Variants in SRPK2 observed in about 807,000 individuals in gnomAD.
The protein encoded by SRPK2 is SFRS protein kinase 2.
In SRPK2, 21 loss-of-function variants were observed where a neutral mutation model predicts 90.8. The ratio of observed to expected loss-of-function variants is 0.23; its 90% confidence interval spans 0.16 to 0.33. SRPK2 has a LOEUF of 0.33. Ranked by LOEUF, SRPK2 falls within the 10% of genes least tolerant of loss-of-function variation. The probability of loss-of-function intolerance (pLI) is 1.00; values close to 1 mark genes in which losing one functional copy is unlikely to be tolerated. For synonymous variants in SRPK2, 288 were observed against 311.1 expected (o/e 0.93, Z 0.78); for missense variants, 620 against 869.0 (o/e 0.71, Z 3.60).
chr7:105,206,073 T>A, intron 2 of SRPK2: 1 of 510,094 alleles, frequency 2.0e-6, no homozygotes, highest in Non-Finnish European at 3.9e-6. Flanking sequence ...GCTGTGGGGC[T>A]GTCGTGTGCA....
At chr7:105,121,531 T>G (rs1438440847) in intron 15 of SRPK2, among the ~76,000 whole-genome samples, 3 of 152,342 alleles carry the variant, frequency 2.0e-5, no homozygotes, top group Non-Finnish European at 4.4e-5. Flanking sequence ...TCACCCTTCC[T>G]GTGACTATCA....
At chr7:105,189,128 C>T (rs188040135) in intron 3 of SRPK2, 1 of 153,548 alleles carries the variant, frequency 6.5e-6, no homozygotes, top group East Asian at 1.9e-4. Context: ...GGGAGAGGCC[C>T]TCACTTCATC....
At chr7:105,389,436 G>C (rs1207057955), upstream of SRPK2, 25 of 1,194,680 alleles carry the variant, frequency 2.1e-5, no homozygotes, top group Non-Finnish European at 2.7e-5. Context: ...GGAAACCTGG[G>C]TCCGCGATTA....
At chr7:105,366,718 T>C (rs894181842) in intron 2 of SRPK2, among the ~76,000 whole-genome samples, 1 of 152,252 alleles carries the variant, frequency 6.6e-6, no homozygotes, top group South Asian at 2.1e-4. Context: ...AGCTGCATTT[T>C]CAATACAAGA....
intron 1 of SRPK2, among the ~76,000 whole-genome samples, chr7:105,397,836 C>T (rs958726234): frequency 1.3e-5 from 2 of 151,948 alleles, no homozygotes; most frequent in Admixed American, 6.6e-5. Flanking sequence ...TTAGTAAAGA[C>T]GGGGTTTCAC....
At chr7:105,289,268 T>C (rs1177720314) in intron 2 of SRPK2, among the ~76,000 whole-genome samples, 1 of 151,786 alleles carries the variant, frequency 6.6e-6, no homozygotes, top group Non-Finnish European at 1.5e-5. Flanking sequence ...AACAAGACTC[T>C]GTCTCAAAAA....
At chr7:105,132,638 TGCG>T (rs1185341801) in intron 13 of SRPK2, among the ~76,000 whole-genome samples, 150 bp downstream of exon 13, 1 of 152,118 alleles carries the variant, frequency 6.6e-6, no homozygotes, top group Non-Finnish European at 1.5e-5. Context: ...TTAAGATGCC[TGCG>T]GCAGCAACCT....
intron 2 of SRPK2, among the ~76,000 whole-genome samples, chr7:105,303,910 G>T (rs1228504156): frequency 6.6e-6 from 1 of 152,162 alleles, no homozygotes; most frequent in Non-Finnish European, 1.5e-5. Flanking sequence ...GTTACAACCT[G>T]TTCACTGTTT....
At chr7:105,386,034 G>C (rs148850461) in intron 2 of SRPK2, among the ~76,000 whole-genome samples, 1 of 152,218 alleles carries the variant, frequency 6.6e-6, no homozygotes, top group African/African-American at 2.4e-5. Flanking sequence ...TCTATCACCG[G>C]CCGGGCTTGG....
intron 2 of SRPK2, chr7:105,244,604 G>A (rs1585328384): frequency 7.6e-6 from 5 of 655,832 alleles, no homozygotes; most frequent in African/African-American, 1.8e-5. Context: ...AGAGTTCCAC[G>A]CGGCGCCAGC....
intron 2 of SRPK2, among the ~76,000 whole-genome samples, chr7:105,228,997 A>G (rs766298555): frequency 6.6e-6 from 1 of 152,056 alleles, no homozygotes; most frequent in Non-Finnish European, 1.5e-5. Flanking sequence ...CTACTTTTTC[A>G]CTGTGAAATT....
At chr7:105,134,272 G>A (rs918919527) in intron 11 of SRPK2, among the ~76,000 whole-genome samples, 3 of 152,116 alleles carry the variant, frequency 2.0e-5, no homozygotes, top group African/African-American at 7.2e-5. Flanking sequence ...AGATTTCCAC[G>A]TTGCTGTTCT....
At position 105,307,695 on chromosome 7, in the gene SRPK2, A is replaced by G. The variant is rs139463473; in HGVS notation, c.71+80953T>C. Among the ~76,000 whole-genome samples, 367 of 152,386 alleles carry G rather than the reference A, an allele frequency of 2.4e-3. 1 individual carries two copies. The highest frequency in any genetic ancestry group is 8.1e-3 in the African/African-American group (338 of 41,592). On this transcript the variant is annotated intron_variant, in intron 2 of 15. Coordinates refer to ENST00000393651, the MANE Select transcript of SRPK2 (RefSeq NM_182692.3). ...CCAGGTAAGTTTATGTTAAAAGTGT[A>G]TAAGTGGTAAGACTGTGGGTGGGGT...
intron 3 of SRPK2, among the ~76,000 whole-genome samples, chr7:105,177,794 G>A (rs1490924709): frequency 2.0e-5 from 3 of 152,074 alleles, no homozygotes; most frequent in Admixed American, 1.3e-4. Flanking sequence ...AGGCCGAGAC[G>A]GGCGGATCAC....
intron 2 of SRPK2, among the ~76,000 whole-genome samples, chr7:105,368,640 T>C (rs1168950123): frequency 6.6e-6 from 1 of 152,122 alleles, no homozygotes; most frequent in Non-Finnish European, 1.5e-5. Context: ...ATCCCAGCAC[T>C]TAAGGAGGCC....
intron 15 of SRPK2, among the ~76,000 whole-genome samples, chr7:105,124,564 C>G (rs1471574283): frequency 7.2e-6 from 1 of 138,772 alleles, no homozygotes; most frequent in African/African-American, 2.7e-5. Flanking sequence ...TCACTTGAAG[C>G]CTGGAGGCGG....
Sources: allele counts gnomAD v4.1 joint callset (sites outside exome capture counted in the v4.1 genomes callset), GRCh38; gene constraint gnomAD v4.1.1; transcripts MANE v1.5; gene names NCBI Gene and HGNC (gene_info 2026-07-23, HGNC 2026-07-21).